The following PCDHGB6 variants were observed in gnomAD, a reference collection of about 807,000 sequenced individuals.
The protein encoded by PCDHGB6 is protocadherin gamma-B6.
PCDHGB6 carries 51 observed loss-of-function variants against 59.1 expected under a neutral mutation model. The ratio of observed to expected loss-of-function variants is 0.86; its 90% CI spans 0.69 to 1.09. The LOEUF is 1.09. Ranked by LOEUF, PCDHGB6 falls within the 50% of genes least tolerant of loss-of-function variation. PCDHGB6 has a pLI of 0.00. For missense variants in PCDHGB6, 1,148 were observed against 1,205.1 expected, an observed-to-expected ratio of 0.95 and a Z score of 0.70; for synonymous variants, 466 against 495.1, an observed-to-expected ratio of 0.94 and a Z score of 0.78.
At chr5:141,504,147 T>C (rs2099836026) in intron 2 of PCDHGB6, among the ~76,000 whole-genome samples, 1 of 152,198 alleles carries the variant, frequency 6.6e-6, no homozygotes, top group South Asian at 2.1e-4. Flanking sequence ...CCCCTGCAAA[T>C]TGAAATAATT....
At chr5:141,438,595 T>C (rs11949887) in intron 1 of PCDHGB6, among the ~76,000 whole-genome samples, 1,254 of 57,838 alleles carry the variant, frequency 0.022, 9 homozygotes, top group Non-Finnish European at 0.023. Flanking sequence ...TACATACATA[T>C]ATATATATAT....
chr5:141,481,694 C>A (rs2099542163), intron 1 of PCDHGB6, among the ~76,000 whole-genome samples: 1 of 152,130 alleles, frequency 6.6e-6, no homozygotes, highest in South Asian at 2.1e-4. Flanking sequence ...TGGCTCACGC[C>A]TGTAATCCCA....
chr5:141,424,497 A>G (rs2096824503), intron 1 of PCDHGB6: 2 of 152,174 alleles, frequency 1.3e-5, no homozygotes, highest in African/African-American at 2.4e-5. Flanking sequence ...GTTTGTATGT[A>G]TGGAAGGTTT....
intron 1 of PCDHGB6, chr5:141,422,005 A>G (rs2154549470): frequency 6.2e-7 from 1 of 1,609,814 alleles, no homozygotes; most frequent in Middle Eastern, 1.7e-4. Context: ...CAGCTCCGGA[A>G]CTCGGGTGCT....
Position 141,489,629 on chromosome 5 carries a change from C to G in PCDHGB6, c.2419-5178C>G. 6.2e-7 allele frequency: 1 copy of G among 1,614,142 alleles called. No individual in the cohort carries two copies. The highest frequency in any genetic ancestry group is 8.5e-7 in the Non-Finnish European group (1 of 1,180,014). On this transcript the variant is annotated intron_variant, in intron 1 of 3. Coordinates refer to ENST00000520790, the MANE Select transcript of PCDHGB6 (RefSeq NM_018926.3). The surrounding 1 kb of genome is among the most constrained non-coding windows in gnomAD (Gnocchi z 4.5). Reference sequence around the variant, plus strand: ...GAGATCCTGGATCTCAATGACAACTCTCCTAGCTTTGCCACCCCTGAGCGA... The same window carrying G: ...GAGATCCTGGATCTCAATGACAACTGTCCTAGCTTTGCCACCCCTGAGCGA...
At chr5:141,483,854 T>C (rs2154580004) in intron 1 of PCDHGB6, among the ~76,000 whole-genome samples, 1 of 152,236 alleles carries the variant, frequency 6.6e-6, no homozygotes, top group South Asian at 2.1e-4. Flanking sequence ...ATTAAGAAAT[T>C]TCATGTCCAG....
intron 1 of PCDHGB6, among the ~76,000 whole-genome samples, chr5:141,435,715 A>G (rs528951395): frequency 6.6e-6 from 1 of 152,328 alleles, no homozygotes; most frequent in African/African-American, 2.4e-5. Context: ...ACAGACACTG[A>G]ATGCTAAAGT....
Position 141,490,683 on chromosome 5 carries a change from A to C in PCDHGB6, c.2419-4124A>C, listed in dbSNP as rs766019662. 6 of 1,614,088 alleles carry C rather than the reference A, an allele frequency of 3.7e-6. No homozygotes were observed. The highest frequency in any genetic ancestry group is 5.1e-6 in the Non-Finnish European group (6 of 1,180,034). On this transcript the variant is annotated intron_variant, in intron 1 of 3. Transcript: ENST00000520790. The surrounding 1 kb of genome is among the most constrained non-coding windows in gnomAD (Gnocchi z 5.4). ...TTTGCACTGTGGCTGCCTCAGATCCAGACACTGGGGATAATGCCCGCCTCA... is the reference window on the plus strand; with the variant it reads ...TTTGCACTGTGGCTGCCTCAGATCCCGACACTGGGGATAATGCCCGCCTCA...
intron 1 of PCDHGB6, among the ~76,000 whole-genome samples, chr5:141,494,030 A>G (rs1165393646): frequency 6.6e-6 from 1 of 151,978 alleles, no homozygotes; most frequent in Non-Finnish European, 1.5e-5. Context: ...AGCCCTGGAG[A>G]CTTAGTTGGC....
In PCDHGB6 at chr5:141,475,977, A is replaced by G. The variant is rs369460464; in HGVS notation, c.2419-18830A>G. The stretch of plus-strand genomic sequence containing the variant: ...CCCCGGGATGAGGCAGAGACTGAAC[A>G]GCCGGCGAGCAAATCAACGGCATCC... On this transcript the variant is annotated intron_variant, in intron 1 of 3. Transcript: ENST00000520790. The G allele has an allele frequency of 2.2e-5, 21 of 972,826 alleles. No individual in the cohort carries two copies. The South Asian group carries it at 2.8e-4, about 13-fold the overall frequency. 60.3% of individuals were successfully genotyped at this position (972,826 alleles called of 1,614,324 possible).
Position 141,493,957 on chromosome 5 carries a change from G to A in PCDHGB6, c.2419-850G>A, listed in dbSNP as rs1360777586. 6.6e-6 allele frequency among the ~76,000 whole-genome samples: 1 copy of A among 152,228 alleles called. No individual in the cohort carries two copies. The highest frequency in any genetic ancestry group is 2.4e-5 in the African/African-American group (1 of 41,458). On this transcript the variant is annotated intron_variant, in intron 1 of 3. Coordinates refer to ENST00000520790, the MANE Select transcript of PCDHGB6 (RefSeq NM_018926.3). This position sits in a 1 kb window ranked among gnomAD's most constrained non-coding sequence, Gnocchi z 4.3. ...AGACCAGAAGGGACTCAGGAATGAA[G>A]TGGCTGGCCAGAGCCCCACACCTTC... is the stretch of plus-strand genomic sequence containing the variant.
At chr5:141,428,164 T>C (rs1221973020) in intron 1 of PCDHGB6, 1 of 1,564,976 alleles carries the variant, frequency 6.4e-7, no homozygotes, top group South Asian at 1.1e-5. Flanking sequence ...TGCTGGTTGC[T>C]GTGCGTGACG....
chr5:141,439,588 T>C (rs2098121813), intron 1 of PCDHGB6, among the ~76,000 whole-genome samples: 2 of 152,200 alleles, frequency 1.3e-5, no homozygotes, highest in South Asian at 4.1e-4. Flanking sequence ...AGTGCCACTG[T>C]TGGCCAGTCT....
rs551396089 is a variant in PCDHGB6, at chr5:141,423,798, A to T, written c.2418+13178A>T. On this transcript the variant is annotated intron_variant, in intron 1 of 3. Coordinates refer to ENST00000520790, the MANE Select transcript of PCDHGB6 (RefSeq NM_018926.3). ...TATTTAGTTCATATATATTTAGAGC[A>T]ATACATGTGAGTTTTACTTTGCCTT... is the stretch of plus-strand genomic sequence containing the variant. 3.3e-6 allele frequency: 4 copies of T among 1,222,280 alleles called. No homozygotes were observed. The South Asian group carries it at 1.1e-4, about 33-fold the overall frequency. 75.7% of individuals were successfully genotyped at this position (1,222,280 alleles called of 1,614,324 possible). A position where few individuals can be genotyped will look rare whatever the true frequency, so the allele number is the denominator to read the frequency against.
intron 1 of PCDHGB6, among the ~76,000 whole-genome samples, chr5:141,456,968 A>AAAAC (rs202005606): frequency 1.3e-4 from 20 of 152,282 alleles, no homozygotes; most frequent in Middle Eastern, 3.4e-3. Flanking sequence ...ATCTCAAAAC[A>AAAAC]AAACAAACAA....
chr5:141,439,830 C>T (rs2098134193), intron 1 of PCDHGB6: 1 of 152,352 alleles, frequency 6.6e-6, no homozygotes, highest in South Asian at 2.1e-4. Context: ...GCTGGAGCAG[C>T]AGCAACTCTA....
intron 1 of PCDHGB6, chr5:141,479,339 G>GTA (rs1298553162): frequency 1.3e-5 from 2 of 152,644 alleles, no homozygotes; most frequent in East Asian, 3.8e-4. Context: ...GTGTGCACCT[G>GTA]TAGTTCTTGC....
At chr5:141,418,955 G>C in intron 1 of PCDHGB6, 4 of 1,614,050 alleles carry the variant, frequency 2.5e-6, no homozygotes, top group Non-Finnish European at 3.4e-6. Flanking sequence ...AGGAGTGGTT[G>C]TTGCCCTCTT....
rs13436436 is a variant in PCDHGB6 at position 141,494,301 on chromosome 5, G to C, written c.2419-506G>C. Among the ~76,000 whole-genome samples, 1,119 of 152,302 alleles carry C rather than the reference G, an allele frequency of 7.3e-3. 11 individuals carry two copies. The highest frequency in any genetic ancestry group is 0.026 in the African/African-American group (1,077 of 41,560). Reference sequence around the variant, plus strand: ...CCAGAGAAGATGTCCCTGTGAATGTGTCACTGCACAACCTGGCACCAAAAG... The same window carrying C: ...CCAGAGAAGATGTCCCTGTGAATGTCTCACTGCACAACCTGGCACCAAAAG... On this transcript the variant is annotated intron_variant, in intron 1 of 3. Coordinates refer to ENST00000520790, the MANE Select transcript of PCDHGB6 (RefSeq NM_018926.3).
Sources: allele counts gnomAD v4.1 joint callset (sites outside exome capture counted in the v4.1 genomes callset), GRCh38; gene constraint gnomAD v4.1.1; non-coding constraint Gnocchi (gnomAD v3.1); transcripts MANE v1.5; gene names NCBI Gene and HGNC (gene_info 2026-07-23, HGNC 2026-07-21).